Variants in PRTG observed in about 807,000 individuals in gnomAD.
PRTG encodes the protein immunoglobulin superfamily, DCC subclass, member 5.
A neutral mutation model predicts 122.5 loss-of-function variants in PRTG; 67 were observed. The ratio of observed to expected loss-of-function variants is 0.55; its 90% CI spans 0.45 to 0.67. PRTG has a LOEUF of 0.67. Among genes scored for constraint, PRTG ranks in the 30% least tolerant of loss-of-function variants. The pLI is 0.00. For missense variants in PRTG, 1,435 were observed against 1,415.4 expected (o/e 1.01, Z -0.22); for synonymous variants, 554 against 501.1 (o/e 1.11, Z -1.41).
intron 3 of PRTG, among the ~76,000 whole-genome samples, chr15:55,682,730 T>C (rs2141817185): frequency 6.6e-6 from 1 of 151,962 alleles, no homozygotes; most frequent in South Asian, 2.1e-4. Context: ...GCCCAGCTGA[T>C]TTCTGTATTT....
chr15:55,640,968 AC>A, intron 12 of PRTG, 144 bp downstream of exon 12: 1 of 525,996 alleles, frequency 1.9e-6, no homozygotes. Flanking sequence ...AACAAACAAA[AC>A]AAAAAAACTA....
intron 15 of PRTG, among the ~76,000 whole-genome samples, chr15:55,634,162 G>C (rs561549778): frequency 8.0e-5 from 12 of 149,220 alleles, no homozygotes; most frequent in Admixed American, 4.0e-4. Context: ...CTGTCTCCTG[G>C]GTTCAAGTGA....
intron 11 of PRTG, among the ~76,000 whole-genome samples, chr15:55,645,804 C>T (rs960835797): frequency 6.6e-6 from 1 of 151,996 alleles, no homozygotes; most frequent in Non-Finnish European, 1.5e-5. Context: ...GTATGTAGTG[C>T]TTGGTTACAT....
chr15:55,679,121 T>C (rs1275642801), intron 7 of PRTG, among the ~76,000 whole-genome samples, 165 bp downstream of exon 7: 1 of 152,332 alleles, frequency 6.6e-6, no homozygotes, highest in Admixed American at 6.5e-5. Context: ...GCATAGCACA[T>C]GTATGACATG....
chr15:55,689,800 C>T (rs1417778217), intron 2 of PRTG, among the ~76,000 whole-genome samples: 5 of 151,906 alleles, frequency 3.3e-5, no homozygotes, highest in Non-Finnish European at 7.4e-5. Flanking sequence ...TGGCGGCGTG[C>T]ACCTGTAGTC....
intron 2 of PRTG, among the ~76,000 whole-genome samples, chr15:55,722,239 T>G (rs950364501): frequency 2.0e-5 from 3 of 152,224 alleles, no homozygotes; most frequent in Admixed American, 6.5e-5. Context: ...TACCACCACA[T>G]AAGCAACTCC....
chr15:55,732,375 G>A (rs1380850528), intron 2 of PRTG, among the ~76,000 whole-genome samples: 2 of 151,608 alleles, frequency 1.3e-5, no homozygotes, highest in Admixed American at 6.6e-5. Flanking sequence ...AGTAGAGATG[G>A]TGTTTCACCA....
intron 15 of PRTG, among the ~76,000 whole-genome samples, chr15:55,631,735 G>A (rs942152647): frequency 4.6e-5 from 7 of 152,262 alleles, no homozygotes; most frequent in Admixed American, 1.3e-4. Flanking sequence ...GTAACCAAGC[G>A]AGCAATTTCT....
intron 15 of PRTG, among the ~76,000 whole-genome samples, chr15:55,629,545 A>G (rs192600005): frequency 1.3e-5 from 2 of 152,148 alleles, no homozygotes; most frequent in African/African-American, 4.8e-5. Context: ...ACCCAGATTC[A>G]ATAATTATAC....
intron 2 of PRTG, among the ~76,000 whole-genome samples, chr15:55,723,423 TAA>T: frequency 6.9e-6 from 1 of 145,318 alleles, no homozygotes; most frequent in African/African-American, 2.5e-5. Context: ...GAATAGATTC[TAA>T]GAGACATGTG....
rs540917715 is a variant in PRTG, at chr15:55,674,288, C to T, written c.1547-612G>A. 1.6e-4 allele frequency among the ~76,000 whole-genome samples: 24 copies of T among 152,246 alleles called. No individual in the cohort carries two copies. In the South Asian group the frequency reaches 5.0e-3, roughly 32 times the overall value. On this transcript the variant is annotated intron_variant, in intron 9 of 19. Coordinates refer to ENST00000389286, the MANE Select transcript of PRTG (RefSeq NM_173814.6). ...GTCTGAAACCTTGTTCTACCATGTACGACTCTGTGATCTTGACCAAATTAA... is the reference window on the plus strand; with the variant it reads ...GTCTGAAACCTTGTTCTACCATGTATGACTCTGTGATCTTGACCAAATTAA...
Position 55,677,955 on chromosome 15 carries a change from G to A in PRTG, c.1223C>T (p.Ala408Val), listed in dbSNP as rs755306387. Residue 408 changes from alanine to valine, a missense_variant, in exon 8 of 20, where the codon GCC becomes GTC. Physicochemically the swap from Ala to Val is moderately conservative, Grantham distance 64. Coordinates refer to ENST00000389286, the MANE Select transcript of PRTG (RefSeq NM_173814.6). ...ENSQGSILSR[A>V]RLTVVMSEDR... is the part of the protein sequence containing the mutation. ...TTCTGACATCACTACAGTCAGTCTG[G>A]CTCTAGATAAAATAGATCCTTGGCT... The A allele has an allele frequency of 6.2e-7, 1 of 1,613,032 alleles. No homozygotes were observed. Among genetic ancestry groups the A allele is most frequent in the South Asian group, 1.1e-5 (1 of 91,066 alleles).
At chr15:55,712,316 C>A (rs1482338412) in intron 2 of PRTG, among the ~76,000 whole-genome samples, 1 of 152,198 alleles carries the variant, frequency 6.6e-6, no homozygotes, top group East Asian at 1.9e-4. Flanking sequence ...CAAAGACAGA[C>A]AAAGACCCCT....
intron 2 of PRTG, among the ~76,000 whole-genome samples, chr15:55,712,933 A>G (rs577191029): frequency 5.9e-5 from 9 of 152,378 alleles, no homozygotes; most frequent in African/African-American, 2.2e-4. Context: ...TCATTTAAAA[A>G]TTGTTTAACC....
chr15:55,660,309 G>GT lies in PRTG; in HGVS notation c.2041+12135dup, dbSNP rs1402767300. On this transcript the variant is annotated intron_variant, in intron 11 of 19. Transcript: ENST00000389286. ...GTGTAATTACTGCTATGCAGCAAAT[G>GT]TTTTTTTTCTGTCCACCCTGAAGTT... Among the ~76,000 whole-genome samples, 13 of 151,804 alleles carry GT rather than the reference G, an allele frequency of 8.6e-5. No individual in the cohort carries two copies. In the South Asian group the frequency reaches 2.3e-3, roughly 27 times the overall value.
At chr15:55,742,124 C>T (rs1270170637) in intron 1 of PRTG, 1 of 152,202 alleles carries the variant, frequency 6.6e-6, no homozygotes, top group African/African-American at 2.4e-5. Context: ...CAGGCCCTGC[C>T]CCCAAATACC....
rs763020821 is a variant in PRTG, at chr15:55,680,089, T to C, written c.938A>G (p.Asn313Ser). Residue 313 changes from asparagine to serine, a missense_variant, in exon 6 of 20, where the codon AAC (asparagine) becomes AGC (serine). Coordinates refer to ENST00000389286, the MANE Select transcript of PRTG (RefSeq NM_173814.6). ...VCRATTPGTR[N>S]FTVAMATLTV... ...TAAAGTTGCCATAGCAACTGTAAAG[T>C]TGCGTGTGCCAGGGGTAGTGGCCCG... The C allele has an allele frequency of 9.3e-6, 15 of 1,613,722 alleles. No individual in the cohort carries two copies. In the South Asian group the frequency reaches 1.6e-4, roughly 18 times the overall value.
At chr15:55,715,474 G>GCAGA (rs1265743956) in intron 2 of PRTG, among the ~76,000 whole-genome samples, 1 of 152,208 alleles carries the variant, frequency 6.6e-6, no homozygotes, top group African/African-American at 2.4e-5. Context: ...GAAGCCCTGA[G>GCAGA]CAGACGTGGG....
intron 2 of PRTG, among the ~76,000 whole-genome samples, chr15:55,732,493 CTTT>C (rs35478271): frequency 7.7e-6 from 1 of 130,312 alleles, no homozygotes; most frequent in Non-Finnish European, 1.6e-5. Flanking sequence ...CCAGGGTAAA[CTTT>C]TTTTTTTTTT....
Sources: allele counts gnomAD v4.1 joint callset (sites outside exome capture counted in the v4.1 genomes callset), GRCh38; gene constraint gnomAD v4.1.1; transcripts MANE v1.5; gene names NCBI Gene and HGNC (gene_info 2026-07-23, HGNC 2026-07-21).